The following IL18RAP variants were observed in gnomAD, a reference collection of about 807,000 sequenced individuals.
IL18RAP encodes interleukin 18 receptor accessory protein, also known as interleukin-18 receptor accessory protein.
Under a neutral mutation model 58.1 loss-of-function variants are expected in IL18RAP, and 37 were observed. The observed-to-expected ratio is 0.64, with a 90% CI of 0.49 to 0.84. The LOEUF is 0.84. IL18RAP is among the 40% of genes least tolerant of loss of function. The pLI, the probability that IL18RAP is intolerant of heterozygous loss-of-function variation, is 0.00. For missense variants in IL18RAP, 667 were observed against 704.8 expected (o/e 0.95, Z 0.61); for synonymous variants, 268 against 257.5 (o/e 1.04, Z -0.39).
At chr2:102,425,296 T>A (rs142440265) in intron 3 of IL18RAP, among the ~76,000 whole-genome samples, 3 of 152,316 alleles carry the variant, frequency 2.0e-5, no homozygotes, top group African/African-American at 7.2e-5. Context: ...AGATGAGTTA[T>A]CTAATGGTTT....
At chr2:102,444,489 T>C (rs1337921728) in intron 6 of IL18RAP, among the ~76,000 whole-genome samples, 2 of 152,204 alleles carry the variant, frequency 1.3e-5, no homozygotes, top group Non-Finnish European at 2.9e-5. Flanking sequence ...CCTATCACAA[T>C]GTGTGACAGG....
intron 8 of IL18RAP, among the ~76,000 whole-genome samples, chr2:102,448,763 C>T (rs1683583237): frequency 1.3e-5 from 2 of 151,742 alleles, no homozygotes; most frequent in South Asian, 2.1e-4. Flanking sequence ...AGTTCAAGAC[C>T]AGCCTGGGCA....
chr2:102,446,487 T>G (rs1421765509), intron 7 of IL18RAP, among the ~76,000 whole-genome samples: 4 of 152,148 alleles, frequency 2.6e-5, no homozygotes, highest in Non-Finnish European at 5.9e-5. Context: ...TAAAGTCCGT[T>G]GTATTATTCT....
At chr2:102,433,861 C>T (rs572861980) in intron 3 of IL18RAP, 1 of 152,320 alleles carries the variant, frequency 6.6e-6, no homozygotes, top group South Asian at 2.1e-4. Context: ...AAGTTTTGTA[C>T]CTATACCTGA....
rs1165638429 is a variant in IL18RAP at position 102,423,907 on chromosome 2, T to G, written c.167T>G (p.Phe56Cys). The stretch of plus-strand genomic sequence containing the variant: ...TTACCAGAGCCACAGAAATCACATT[T>G]CTGCCACAGAAATCGACTCTCACCA... ...CDLPEPQKSH[F>C]CHRNRLSPKQ... is the part of the protein sequence containing the mutation. The change falls in exon 2 of 10, where the codon TTC becomes TGC. Residue 56 changes from phenylalanine to cysteine, a missense_variant. Transcript: ENST00000687160. 6.2e-7 allele frequency: 1 copy of G among 1,613,990 alleles called. No individual in the cohort carries two copies. The highest frequency in any genetic ancestry group is 1.1e-5 in the South Asian group (1 of 91,080).
chr2:102,430,882 T>C (rs959931228), intron 3 of IL18RAP, among the ~76,000 whole-genome samples: 14 of 152,172 alleles, frequency 9.2e-5, no homozygotes, highest in Admixed American at 7.9e-4. Context: ...TTGTAGTTTC[T>C]GTTTCTTAAT....
intron 8 of IL18RAP, among the ~76,000 whole-genome samples, chr2:102,448,428 T>C (rs1321219092): frequency 6.6e-6 from 1 of 152,248 alleles, no homozygotes; most frequent in Non-Finnish European, 1.5e-5. Flanking sequence ...TGATGTTTGC[T>C]TCTGTGGAAT....
intron 3 of IL18RAP, among the ~76,000 whole-genome samples, chr2:102,432,947 A>G (rs1361561348): frequency 6.6e-6 from 1 of 152,224 alleles, no homozygotes; most frequent in Non-Finnish European, 1.5e-5. Flanking sequence ...TAATAGTTAC[A>G]TGTAATGTAA....
chr2:102,446,780 T>G (rs11465721), intron 7 of IL18RAP, among the ~76,000 whole-genome samples: 75,813 of 145,144 alleles, frequency 0.52, 20,979 homozygotes, highest in African/African-American at 0.68. Context: ...CTGGGCGACA[T>G]ACAGACTCCG....
intron 6 of IL18RAP, among the ~76,000 whole-genome samples, chr2:102,444,728 C>T (rs1023128893): frequency 1.3e-5 from 2 of 152,194 alleles, no homozygotes; most frequent in Non-Finnish European, 2.9e-5. Flanking sequence ...TCTGGGGCTA[C>T]TCACCCACCT....
intron 5 of IL18RAP, among the ~76,000 whole-genome samples, chr2:102,442,033 T>C (rs1237354408): frequency 1.3e-5 from 2 of 152,236 alleles, no homozygotes; most frequent in African/African-American, 4.8e-5. Flanking sequence ...CTATCAGTTA[T>C]GACTACAAAT....
chr2:102,442,865 G>A (rs187417686), intron 5 of IL18RAP, among the ~76,000 whole-genome samples: 10 of 152,174 alleles, frequency 6.6e-5, no homozygotes, highest in East Asian at 1.9e-4. Context: ...GCAGAAGACC[G>A]GGCTGATCTC....
upstream of IL18RAP, among the ~76,000 whole-genome samples, chr2:102,421,752 A>G (rs2104282916): frequency 6.6e-6 from 1 of 152,318 alleles, no homozygotes; most frequent in East Asian, 1.9e-4. Context: ...ATCAGCAGCC[A>G]GGTGGTAGCA....
rs1558639850 is a variant in IL18RAP at position 102,435,007 on chromosome 2, A to C, written c.580-2205A>C. On this transcript the variant is annotated intron_variant, in intron 3 of 9. Transcript: ENST00000687160. Reference sequence around the variant, plus strand: ...ATACTCCATTCCCATTAAAAGATAAATATTAGTAAAAAAAAAATCTATCAA... The same window carrying C: ...ATACTCCATTCCCATTAAAAGATAACTATTAGTAAAAAAAAAATCTATCAA... The C allele has an allele frequency of 2.7e-5, 3 of 112,214 alleles. No individual in the cohort carries two copies. The South Asian group carries it at 8.2e-4, about 31-fold the overall frequency. 7.0% of individuals were successfully genotyped at this position (112,214 alleles called of 1,614,324 possible).
Position 102,437,226 on chromosome 2 carries a change from C to G in IL18RAP, c.594C>G (p.Leu198=), listed in dbSNP as rs766659196. 9 of 1,609,584 alleles carry G rather than the reference C, an allele frequency of 5.6e-6. No individual in the cohort carries two copies. Among genetic ancestry groups the G allele is most frequent in the Non-Finnish European group, 6.8e-6 (8 of 1,178,632 alleles). ...AVTWYKNGKL[L]SVERSNRIVV... ...TTTTGGATTAGAATGGAAAACTCCT[C>G]TCTGTGGAAAGGAGCAACCGAATCG... Residue 198 remains leucine (L), a synonymous_variant, in exon 4 of 10, where the codon CTC becomes CTG. Coordinates refer to ENST00000687160, the MANE Select transcript of IL18RAP (RefSeq NM_001393487.1).
In IL18RAP at chr2:102,438,144, G is replaced by A. The variant is rs151133164; in HGVS notation, c.730+782G>A. On this transcript the variant is annotated intron_variant, in intron 4 of 9. Coordinates refer to ENST00000687160, the MANE Select transcript of IL18RAP (RefSeq NM_001393487.1). ...TTTTTTGGTTCATTGGCTTTCTTCCGCAACTTGTCTGTTTTTGTCCTAACC... is the reference window on the plus strand; with the variant it reads ...TTTTTTGGTTCATTGGCTTTCTTCCACAACTTGTCTGTTTTTGTCCTAACC... Among the ~76,000 whole-genome samples, 34 of 152,180 alleles carry A rather than the reference G, an allele frequency of 2.2e-4. No homozygotes were observed. In the East Asian group the frequency reaches 5.8e-3, roughly 26 times the overall value.
chr2:102,428,255 G>A (rs137860718), intron 3 of IL18RAP, among the ~76,000 whole-genome samples: 7 of 151,724 alleles, frequency 4.6e-5, no homozygotes, highest in African/African-American at 4.8e-5. Context: ...CATTTTGATA[G>A]GGTTTGCATT....
chr2:102,446,003 A>G (rs1228766254), intron 7 of IL18RAP, among the ~76,000 whole-genome samples: 1 of 152,202 alleles, frequency 6.6e-6, no homozygotes, highest in East Asian at 1.9e-4. Flanking sequence ...CCTGTAGTAA[A>G]CGCTCTGTGA....
chr2:102,432,024 T>C (rs796917357), intron 3 of IL18RAP, among the ~76,000 whole-genome samples: 1 of 152,312 alleles, frequency 6.6e-6, no homozygotes, highest in African/African-American at 2.4e-5. Context: ...CATTGGTGCC[T>C]ATGCAGTTGA....
Sources: allele counts gnomAD v4.1 joint callset (sites outside exome capture counted in the v4.1 genomes callset), GRCh38; gene constraint gnomAD v4.1.1; transcripts MANE v1.5; gene names NCBI Gene and HGNC (gene_info 2026-07-23, HGNC 2026-07-21).